The following SPTBN1 variants were observed in gnomAD, a reference collection of about 807,000 sequenced individuals.
The protein encoded by SPTBN1 is spectrin beta, non-erythrocytic 1.
In SPTBN1, 32 loss-of-function variants were observed where a neutral mutation model predicts 266.4. The ratio of observed to expected loss-of-function variants is 0.12; its 90% CI spans 0.09 to 0.16. The LOEUF is 0.16. Among genes scored for constraint, SPTBN1 ranks in the 10% least tolerant of loss-of-function variants. The probability of loss-of-function intolerance (pLI) is 1.00; values close to 1 mark genes in which losing one functional copy is unlikely to be tolerated. For missense variants in SPTBN1, 2,296 were observed against 3,067.1 expected, an observed-to-expected ratio of 0.75 and a Z score of 5.94; for synonymous variants, 1,336 against 1,162.2, an observed-to-expected ratio of 1.15 and a Z score of -3.04.
intron 3 of SPTBN1, among the ~76,000 whole-genome samples, chr2:54,601,336 G>C (rs916046021): frequency 2.0e-5 from 3 of 152,124 alleles, no homozygotes; most frequent in Non-Finnish European, 4.4e-5. Flanking sequence ...TTGTTCATCT[G>C]GGCTGGAGAT....
At chr2:54,465,654 A>ATATATATATATATG (rs1693597215) in intron 1 of SPTBN1, among the ~76,000 whole-genome samples, 2 of 101,534 alleles carry the variant, frequency 2.0e-5, no homozygotes, top group South Asian at 5.5e-4. Context: ...ATATATATAT[A>ATATATATATATATG]TATATATATA....
At chr2:54,583,409 G>A (rs890412667) in intron 2 of SPTBN1, among the ~76,000 whole-genome samples, 10 of 152,108 alleles carry the variant, frequency 6.6e-5, no homozygotes, top group African/African-American at 2.4e-4. Context: ...AACCTGAGGT[G>A]GAACCCCAGT....
At position 54,589,088 on chromosome 2, in the gene SPTBN1, ACT is replaced by A. The variant is rs554334179; in HGVS notation, c.149-10001_149-10000del. On this transcript the variant is annotated intron_variant, in intron 2 of 35. Coordinates refer to ENST00000356805, the MANE Select transcript of SPTBN1 (RefSeq NM_003128.3). ...TTTGTGTTACAAACAATCCAATTAT[ACT>A]CTTAGTTATCTTTAAATGTACAATT... Among the ~76,000 whole-genome samples the A allele has an allele frequency of 1.5e-4, 23 of 152,074 alleles. No homozygotes were observed. In the South Asian group the frequency reaches 3.5e-3, roughly 23 times the overall value.
intron 1 of SPTBN1, among the ~76,000 whole-genome samples, chr2:54,510,816 T>C (rs1309577817): frequency 6.6e-6 from 1 of 152,242 alleles, no homozygotes; most frequent in African/African-American, 2.4e-5. Flanking sequence ...TCTAAGTTTT[T>C]TCCCCCTACT....
chr2:54,571,751 G>C (rs1674101895), intron 2 of SPTBN1, among the ~76,000 whole-genome samples: 1 of 152,106 alleles, frequency 6.6e-6, no homozygotes, highest in Non-Finnish European at 1.5e-5. Flanking sequence ...ACAAATAAAT[G>C]TTTCATGAAT....
At chr2:54,655,468 A>G (rs1038735077) in intron 28 of SPTBN1, among the ~76,000 whole-genome samples, 2 of 152,196 alleles carry the variant, frequency 1.3e-5, no homozygotes, top group African/African-American at 2.4e-5. Context: ...TACTCTTTCT[A>G]GGTGACGCCA....
At chr2:54,556,008 C>T (rs1377375350) in intron 2 of SPTBN1, among the ~76,000 whole-genome samples, 1 of 152,218 alleles carries the variant, frequency 6.6e-6, no homozygotes, top group Non-Finnish European at 1.5e-5. Flanking sequence ...TGTCCCATTT[C>T]CTTTGGCTAG....
intron 2 of SPTBN1, among the ~76,000 whole-genome samples, chr2:54,584,291 G>T (rs1675138684): frequency 6.6e-6 from 1 of 152,190 alleles, no homozygotes; most frequent in Admixed American, 6.5e-5. Context: ...TGTATATTTA[G>T]TTTCTAGTCT....
chr2:54,606,560 T>C (rs1676853283), intron 3 of SPTBN1, among the ~76,000 whole-genome samples: 1 of 152,180 alleles, frequency 6.6e-6, no homozygotes, highest in South Asian at 2.1e-4. Context: ...CCCTCAAATT[T>C]GAACAGTTTT....
chr2:54,620,191 T>A (rs927715580), intron 7 of SPTBN1, among the ~76,000 whole-genome samples: 4 of 152,210 alleles, frequency 2.6e-5, no homozygotes, highest in African/African-American at 9.6e-5. Flanking sequence ...CCGGACAGGC[T>A]TCTGCCCTTG....
chr2:54,547,971 G>A (rs1290109640), intron 2 of SPTBN1, among the ~76,000 whole-genome samples: 1 of 151,770 alleles, frequency 6.6e-6, no homozygotes, highest in East Asian at 1.9e-4. Flanking sequence ...GTGAAACCCC[G>A]TCTCTACTAA....
At chr2:54,549,159 C>T (rs1407727836) in intron 2 of SPTBN1, among the ~76,000 whole-genome samples, 3 of 151,906 alleles carry the variant, frequency 2.0e-5, no homozygotes, top group Middle Eastern at 3.2e-3. Flanking sequence ...TGTGGTGGTG[C>T]GCGCCTGTAA....
intron 1 of SPTBN1, chr2:54,515,954 G>A (rs1305216363): frequency 6.6e-6 from 1 of 152,084 alleles, no homozygotes; most frequent in Non-Finnish European, 1.5e-5. Context: ...TTCATTCCTT[G>A]TGGGGGCAAT....
chr2:54,609,678 T>G (rs1385387013), intron 3 of SPTBN1, among the ~76,000 whole-genome samples: 1 of 152,114 alleles, frequency 6.6e-6, no homozygotes, highest in Non-Finnish European at 1.5e-5. Context: ...TGTCAGTGCC[T>G]TCAGTGTTGA....
In SPTBN1 at chr2:54,626,604, G is replaced by A. The variant is rs1678355476; in HGVS notation, c.1644+370G>A. On this transcript the variant is annotated intron_variant, in intron 12 of 35. Coordinates refer to ENST00000356805, the MANE Select transcript of SPTBN1 (RefSeq NM_003128.3). This position sits in a 1 kb window ranked among gnomAD's most constrained non-coding sequence, Gnocchi z 4.7. ...TACTTTGGGCAGGGGTCCCGGAGAGGTGGTATGGGGAGAAGGGAGGAGTGG... is the reference window on the plus strand; with the variant it reads ...TACTTTGGGCAGGGGTCCCGGAGAGATGGTATGGGGAGAAGGGAGGAGTGG... 6.6e-6 allele frequency among the ~76,000 whole-genome samples: 1 copy of A among 152,216 alleles called. No homozygotes were observed. The highest frequency in any genetic ancestry group is 1.5e-5 in the Non-Finnish European group (1 of 68,040).
In SPTBN1 at chr2:54,499,477, G is replaced by A. The variant is rs1187407336; in HGVS notation, c.-47-26895G>A. On this transcript the variant is annotated intron_variant, in intron 1 of 35. Coordinates refer to ENST00000356805, the MANE Select transcript of SPTBN1 (RefSeq NM_003128.3). ...ATGGACATAATGGAGGAAGGTGACT[G>A]GTTGTTTGCGTGTTGATTTGCTTTC... Among the ~76,000 whole-genome samples, 17 of 152,326 alleles carry A rather than the reference G, an allele frequency of 1.1e-4. 1 individual carries two copies. In the South Asian group the frequency reaches 3.3e-3, roughly 30 times the overall value.
chr2:54,560,241 G>A lies in SPTBN1; in HGVS notation c.148+33675G>A, dbSNP rs535790550. Among the ~76,000 whole-genome samples the A allele has an allele frequency of 1.6e-4, 25 of 151,976 alleles. No individual in the cohort carries two copies. In the South Asian group the frequency reaches 2.5e-3, roughly 15 times the overall value. On this transcript the variant is annotated intron_variant, in intron 2 of 35. Transcript: ENST00000356805. ...TTAGGGGCCTCACGGTTTTCGGGTC[G>A]GAGAATCCACTGCGTGCTCCTCCTC...
intron 2 of SPTBN1, chr2:54,546,716 C>A (rs1349068804): frequency 6.6e-6 from 1 of 152,034 alleles, no homozygotes; most frequent in Non-Finnish European, 1.5e-5. Flanking sequence ...ATTTATGAGG[C>A]CTTTTGTTGT....
chr2:54,646,236 G>T lies in SPTBN1; in HGVS notation c.4627G>T (p.Asp1543Tyr). The T allele has an allele frequency of 9.3e-6, 15 of 1,613,618 alleles. No homozygotes were observed. Among genetic ancestry groups the T allele is most frequent in the Non-Finnish European group, 1.2e-5 (14 of 1,179,728 alleles). ...EIQGHQPRID[D>Y]IFERSQNIVT... ...CCAGGGGCACCAGCCTCGCATTGAC[G>T]ACATCTTTGAGAGGAGCCAAAACAT... The change falls in exon 23 of 36, where the codon GAC becomes TAC. Residue 1543 changes from aspartate (D) to tyrosine (Y), a missense_variant. Transcript: ENST00000356805. The surrounding 1 kb of genome is among the most constrained non-coding windows in gnomAD (Gnocchi z 4.4).
Sources: allele counts gnomAD v4.1 joint callset (sites outside exome capture counted in the v4.1 genomes callset), GRCh38; gene constraint gnomAD v4.1.1; non-coding constraint Gnocchi (gnomAD v3.1); transcripts MANE v1.5; gene names NCBI Gene and HGNC (gene_info 2026-07-23, HGNC 2026-07-21).